The following MTMR10 variants were observed in gnomAD, a reference collection of about 807,000 sequenced individuals.
MTMR10 encodes the protein myotubularin related protein 10, also known as myotubularin-related protein 10.
Under a neutral mutation model 88.1 loss-of-function variants are expected in MTMR10, and 56 were observed. The ratio of observed to expected loss-of-function variants is 0.64; its 90% CI spans 0.51 to 0.79. The LOEUF (loss-of-function observed/expected upper bound fraction) is 0.79, where lower values mean the gene tolerates loss of function less well. MTMR10 is among the 30% of genes least tolerant of loss of function. The probability of loss-of-function intolerance (pLI) is 0.00; values close to 1 mark genes in which losing one functional copy is unlikely to be tolerated. For synonymous variants in MTMR10, 380 were observed against 340.9 expected (o/e 1.11, Z -1.26); for missense variants, 883 against 924.7 (o/e 0.95, Z 0.58).
intron 14 of MTMR10, chr15:30,943,413 G>C: frequency 1.0e-6 from 1 of 984,614 alleles, no homozygotes; most frequent in Non-Finnish European, 1.2e-6. Flanking sequence ...TATAATTACA[G>C]TATTTTACTT....
the MTMR10 span, chr15:30,925,807 C>A: frequency 2.5e-6 from 4 of 1,614,172 alleles, no homozygotes; most frequent in Non-Finnish European, 3.4e-6. Flanking sequence ...CACAGGCAGG[C>A]TGTGCCCACA....
chr15:30,979,308 T>C (rs2030385798), intron 2 of MTMR10, among the ~76,000 whole-genome samples: 1 of 152,064 alleles, frequency 6.6e-6, no homozygotes, highest in Non-Finnish European at 1.5e-5. Context: ...GGCTCACATC[T>C]ATAATCCCAA....
Position 30,939,649 on chromosome 15 carries a change from C to T in MTMR10, c.*1821G>A, listed in dbSNP as rs2062971711. On this transcript the variant is annotated 3_prime_UTR_variant, in exon 16 of 16. Coordinates refer to ENST00000435680, the MANE Select transcript of MTMR10 (RefSeq NM_017762.3). ...GTAAATTAACAACAATAAAATACTA[C>T]AAGAGTTAAAATAAACGTGAAGGAA... is the stretch of plus-strand genomic sequence containing the variant. 3 of 521,744 alleles carry T rather than the reference C, an allele frequency of 5.7e-6. No homozygotes were observed. In the South Asian group the frequency reaches 2.9e-4, roughly 50 times the overall value. 32.3% of individuals were successfully genotyped at this position (521,744 alleles called of 1,614,324 possible). A position where few individuals can be genotyped will look rare whatever the true frequency, so the allele number is the denominator to read the frequency against.
At chr15:30,922,442 AT>A in the MTMR10 span, 1 of 1,288,930 alleles carries the variant, frequency 7.8e-7, no homozygotes, top group Non-Finnish European at 1.1e-6. Context: ...TAAAATTTAC[AT>A]GTAATTAGAA....
At chr15:30,944,674 T>C (rs1349031775) in intron 14 of MTMR10, among the ~76,000 whole-genome samples, 1 of 151,924 alleles carries the variant, frequency 6.6e-6, no homozygotes, top group Non-Finnish European at 1.5e-5. Context: ...TAGTAAAACA[T>C]GAACCCAAAC....
At chr15:30,925,917 C>T in the MTMR10 span, 2 of 1,614,230 alleles carry the variant, frequency 1.2e-6, no homozygotes, top group Non-Finnish European at 1.7e-6. Flanking sequence ...TGGCCCATTA[C>T]AGACGCAGCG....
the MTMR10 span, chr15:30,925,907 T>C: frequency 6.2e-7 from 1 of 1,614,238 alleles, no homozygotes; most frequent in Middle Eastern, 1.6e-4. Context: ...GAGCTGGCAC[T>C]GGCCCATTAC....
downstream of MTMR10, chr15:30,937,028 T>G: frequency 9.9e-7 from 1 of 1,008,396 alleles, no homozygotes; most frequent in South Asian, 1.5e-5. Flanking sequence ...GAAGAGCCAT[T>G]TAAATAGTTG....
At chr15:30,975,108 A>C in intron 3 of MTMR10, 105 bp from the exon 4 acceptor site, 2 of 855,028 alleles carry the variant, frequency 2.3e-6, no homozygotes, top group Non-Finnish European at 3.5e-6. Context: ...ATCTCTAAAA[A>C]GCACAAAAAG....
At chr15:30,974,257 T>A (rs887070544) in intron 5 of MTMR10, 57 bp downstream of exon 5, 1 of 1,338,120 alleles carries the variant, frequency 7.5e-7, no homozygotes, top group East Asian at 2.7e-5. Context: ...CCATACGGAA[T>A]TGAAATCAGT....
At chr15:30,928,643 G>T in the MTMR10 span, 2 of 1,613,974 alleles carry the variant, frequency 1.2e-6, no homozygotes, top group South Asian at 2.2e-5. Flanking sequence ...GATGTCTTCA[G>T]AAACGCCTGT....
At chr15:30,928,618 A>G in the MTMR10 span, 1 of 1,613,282 alleles carries the variant, frequency 6.2e-7, no homozygotes, top group Non-Finnish European at 8.5e-7. Flanking sequence ...CATCATCTTC[A>G]TGGATGGGAT....
At chr15:30,968,112 T>TTATA in intron 5 of MTMR10, 102 bp from the exon 6 acceptor site, 1 of 760,526 alleles carries the variant, frequency 1.3e-6, no homozygotes, top group East Asian at 2.8e-5. Flanking sequence ...GGGGCAGTGA[T>TTATA]TATAGATACT....
intron 5 of MTMR10, among the ~76,000 whole-genome samples, chr15:30,970,907 G>A (rs909485527): frequency 2.6e-5 from 4 of 152,092 alleles, no homozygotes; most frequent in Admixed American, 1.3e-4. Flanking sequence ...TTTTTTTGGG[G>A]TGGCAGAACT....
rs754779809 is a variant in MTMR10, at chr15:30,940,945, A to G, written c.*525T>C. ...CAAAACACAGTGATCTAAGGTTCCA[A>G]AGAAGGTGATCTAAAATCATAAATT... On this transcript the variant is annotated 3_prime_UTR_variant, in exon 16 of 16. Coordinates refer to ENST00000435680, the MANE Select transcript of MTMR10 (RefSeq NM_017762.3). The G allele has an allele frequency of 4.2e-5, 46 of 1,091,100 alleles. No individual in the cohort carries two copies. The African/African-American group carries it at 7.6e-4, about 18-fold the overall frequency. The allele number at this position is 1,091,100 out of a possible 1,614,324, so 67.6% of individuals were successfully genotyped here.
intron 10 of MTMR10, among the ~76,000 whole-genome samples, chr15:30,954,401 C>A (rs1055603012): frequency 2.0e-5 from 3 of 152,110 alleles, no homozygotes; most frequent in Non-Finnish European, 4.4e-5. Flanking sequence ...TGTTTGATAC[C>A]CATGTCAAGT....
chr15:30,942,276 TTACTATCAGCCTGAA>T, intron 15 of MTMR10: 1 of 657,816 alleles, frequency 1.5e-6, no homozygotes, highest in Admixed American at 3.0e-5. Flanking sequence ...ACCTAGGCTG[TTACTATCAGCCTGAA>T]TGGGGGCGGG....
chr15:30,985,361 C>T (rs1031346554), intron 2 of MTMR10, among the ~76,000 whole-genome samples: 2 of 152,228 alleles, frequency 1.3e-5, no homozygotes, highest in Non-Finnish European at 2.9e-5. Context: ...CTTTTTACTT[C>T]ACTAGAGAAC....
intron 6 of MTMR10, among the ~76,000 whole-genome samples, chr15:30,963,644 A>AATAGATAGATAG (rs1325408364): frequency 7.1e-5 from 2 of 28,362 alleles, no homozygotes; most frequent in East Asian, 3.4e-3. Context: ...CTCAAAAATA[A>AATAGATAGATAG]ATAGACAGAT....
Sources: gnomAD v4.1 joint callset for allele counts (sites outside exome capture counted in the v4.1 genomes callset) on GRCh38, gnomAD v4.1.1 for gene constraint, MANE v1.5 for transcripts, NCBI Gene and HGNC (gene_info 2026-07-23, HGNC 2026-07-21) for gene names.